GFI1: variants seen among roughly 807,000 people sequenced by gnomAD.
GFI1 encodes zinc finger protein Gfi-1.
GFI1 carries 15 observed loss-of-function variants against 39.2 expected under a neutral mutation model. The observed-to-expected ratio is 0.38, with a 90% confidence interval of 0.26 to 0.59. The LOEUF (loss-of-function observed/expected upper bound fraction) is 0.59. Among genes scored for constraint, GFI1 ranks in the 20% least tolerant of loss-of-function variants. The probability of loss-of-function intolerance (pLI) is 0.62; values close to 1 mark genes in which losing one functional copy is unlikely to be tolerated. For synonymous variants in GFI1, 239 were observed against 254.3 expected (o/e 0.94, Z 0.57); for missense variants, 475 against 574.0 (o/e 0.83, Z 1.76).
At position 92,473,235 on chromosome 1, in the gene GFI1, C is replaced by T. The variant is rs191091714; in HGVS notation, c.*2794G>A. Among the ~76,000 whole-genome samples the T allele has an allele frequency of 3.4e-3, 510 of 149,588 alleles. 1 individual carries two copies. Among genetic ancestry groups the T allele is most frequent in the Non-Finnish European group, 5.4e-3 (362 of 67,644 alleles). ...CAAAATTACAATTCCTCACTTAGAG[C>T]ATAAACAGGGATAACAAAAATGGAC... On this transcript the variant is annotated 3_prime_UTR_variant, in exon 7 of 7. Coordinates refer to ENST00000294702, the MANE Select transcript of GFI1 (RefSeq NM_005263.5).
rs1477154290 is a variant in GFI1 at position 92,482,531 on chromosome 1, A to G, written c.298+333T>C. ...TTGCAGGATCCTAGCACTTTATAAA[A>G]CAGTCAGGTCTGGTCAGAAAATGAA... On this transcript the variant is annotated intron_variant, in intron 3 of 6. Transcript: ENST00000294702. This position sits in a 1 kb window ranked among gnomAD's most constrained non-coding sequence, Gnocchi z 4.4. 6.6e-6 allele frequency among the ~76,000 whole-genome samples: 1 copy of G among 152,086 alleles called. No homozygotes were observed. The highest frequency in any genetic ancestry group is 1.5e-5 in the Non-Finnish European group (1 of 68,026).
In GFI1 at chr1:92,482,874, G is replaced by A. The variant is rs1169382508; in HGVS notation, c.288C>T (p.Ser96=). ...CCAGTGGGTTCCTACCTGGAGACGC[G>A]GAGGGTGACGGGGGCCTCCAGAAGT... is the stretch of plus-strand genomic sequence containing the variant. The part of the protein sequence containing the change: ...FEDFWRPPSP[S]ASPASEKSMC... Residue 96 remains serine (S), a synonymous_variant, in exon 3 of 7, where the codon TCC becomes TCT. Coordinates refer to ENST00000294702, the MANE Select transcript of GFI1 (RefSeq NM_005263.5). This position sits in a 1 kb window ranked among gnomAD's most constrained non-coding sequence, Gnocchi z 4.4. The A allele has an allele frequency of 1.9e-6, 3 of 1,613,850 alleles. No individual in the cohort carries two copies. Among genetic ancestry groups the A allele is most frequent in the South Asian group, 2.2e-5 (2 of 91,082 alleles).
intron 6 of GFI1, among the ~76,000 whole-genome samples, chr1:92,477,662 C>A (rs1658033535): frequency 6.6e-6 from 1 of 152,246 alleles, no homozygotes; most frequent in Non-Finnish European, 1.5e-5. Flanking sequence ...TCTGATAAAT[C>A]ATTCACTCTT....
chr1:92,483,190 A>G, intron 2 of GFI1, 144 bp from the exon 3 acceptor site: 1 of 836,056 alleles, frequency 1.2e-6, no homozygotes, highest in Non-Finnish European at 1.8e-6. Flanking sequence ...CTCGGATCCG[A>G]GGGCAGGCGC....
intron 6 of GFI1, 49 bp from the exon 7 acceptor site, chr1:92,476,256 C>G: frequency 6.5e-7 from 1 of 1,536,156 alleles, no homozygotes. Flanking sequence ...TATGATAAAG[C>G]TAGAGGGGAC....
At chr1:92,483,316 C>T in intron 2 of GFI1, 57 bp downstream of exon 2, 1 of 958,246 alleles carries the variant, frequency 1.0e-6, no homozygotes, top group South Asian at 1.3e-5. Flanking sequence ...AATGGTGTGC[C>T]GAGGTGCAGT....
chr1:92,479,021 A>T (rs1658100241), intron 5 of GFI1, among the ~76,000 whole-genome samples: 1 of 152,104 alleles, frequency 6.6e-6, no homozygotes, highest in Non-Finnish European at 1.5e-5. Flanking sequence ...ACACGCCATC[A>T]CACCTGACTA....
In GFI1 at chr1:92,484,591, G is replaced by A. The variant is rs1658438306; in HGVS notation, c.-99-1005C>T. ...CGCGCAGGCTGCATTAGCAGAGAGC[G>A]GGGGTCGGGCCCGGGCCCGGGAGGG... On this transcript the variant is annotated intron_variant, in intron 1 of 6. Coordinates refer to ENST00000294702, the MANE Select transcript of GFI1 (RefSeq NM_005263.5). The surrounding 1 kb of genome is among the most constrained non-coding windows in gnomAD (Gnocchi z 4.1). 1 of 152,346 alleles carries A rather than the reference G, an allele frequency of 6.6e-6. No homozygotes were observed. The highest frequency in any genetic ancestry group is 1.5e-5 in the Non-Finnish European group (1 of 68,176). 9.4% of individuals were successfully genotyped at this position (152,346 alleles called of 1,614,324 possible). A position where few individuals can be genotyped will look rare whatever the true frequency, so the allele number is the denominator to read the frequency against.
chr1:92,486,851 C>T lies in GFI1; in HGVS notation c.-225G>A, dbSNP rs1424066782. ...CCCTGGCGGCGCGTCCCGCGGGCGC[C>T]CGGCGGGACCGGTGGGCGCACCCTC... On this transcript the variant is annotated 5_prime_UTR_variant, in exon 1 of 7. Transcript: ENST00000294702. 1 of 152,142 alleles carries T rather than the reference C, an allele frequency of 6.6e-6. No homozygotes were observed. Among genetic ancestry groups the T allele is most frequent in the African/African-American group, 2.4e-5 (1 of 41,438 alleles). 9.4% of individuals were successfully genotyped at this position (152,142 alleles called of 1,614,324 possible).
rs1657964936 is a variant in GFI1 at position 92,476,199 on chromosome 1, G to T, written c.1099C>A (p.Pro367Thr). Residue 367 changes from proline (P) to threonine (T), a missense_variant, in exon 7 of 7, where the codon CCT becomes ACT. Coordinates refer to ENST00000294702, the MANE Select transcript of GFI1 (RefSeq NM_005263.5). ...TTGCCGCACACCTGGCACTTGTGAG[G>T]CTTCTCACCTGTGGGGATGGGAGGG... ...KHTFIHTGEKPHKCQVCGKAF... is the reference protein window; with the variant it reads ...KHTFIHTGEKTHKCQVCGKAF... 1 of 1,612,912 alleles carries T rather than the reference G, an allele frequency of 6.2e-7. No individual in the cohort carries two copies. The highest frequency in any genetic ancestry group is 1.7e-4 in the Middle Eastern group (1 of 6,060).
In GFI1 at chr1:92,481,163, C is replaced by G; in HGVS notation, c.299-75G>C. On this transcript the variant is annotated intron_variant, in intron 3 of 6. Coordinates refer to ENST00000294702, the MANE Select transcript of GFI1 (RefSeq NM_005263.5). The surrounding 1 kb of genome is among the most constrained non-coding windows in gnomAD (Gnocchi z 4.3). The stretch of plus-strand genomic sequence containing the variant: ...GAGGCCGCCGGGCTGCGGCTGCGAG[C>G]GTGGCGTGTTCGCGGACTGCGGGGC... The G allele has an allele frequency of 1.5e-6, 2 of 1,333,138 alleles. No homozygotes were observed. The highest frequency in any genetic ancestry group is 2.1e-6 in the Non-Finnish European group (2 of 947,388). 82.6% of individuals were successfully genotyped at this position (1,333,138 alleles called of 1,614,324 possible). A position where few individuals can be genotyped will look rare whatever the true frequency, so the allele number is the denominator to read the frequency against.
intron 1 of GFI1, 142 bp from the exon 2 acceptor site, chr1:92,483,728 C>G (rs1186715392): frequency 7.4e-6 from 4 of 540,914 alleles, no homozygotes; most frequent in African/African-American, 1.9e-5. Flanking sequence ...TGCTGCGCCG[C>G]GCTTACCAGG....
rs1657924093 is a variant in GFI1, at chr1:92,475,669, G to A, written c.*360C>T. On this transcript the variant is annotated 3_prime_UTR_variant, in exon 7 of 7. Coordinates refer to ENST00000294702, the MANE Select transcript of GFI1 (RefSeq NM_005263.5). ...TCAAGAGGGGGGAGGGAAGAAACCT[G>A]AAGGGCATTCCTGTCTGTAGATTAG... 1 of 314,940 alleles carries A rather than the reference G, an allele frequency of 3.2e-6. No homozygotes were observed. Among genetic ancestry groups the A allele is most frequent in the Non-Finnish European group, 6.1e-6 (1 of 163,624 alleles). The allele number at this position is 314,940 out of a possible 1,614,324, so 19.5% of individuals were successfully genotyped here.
chr1:92,483,428 G>A lies in GFI1; in HGVS notation c.60C>T (p.Ser20=), dbSNP rs1009439096. 15 of 1,613,592 alleles carry A rather than the reference G, an allele frequency of 9.3e-6. No individual in the cohort carries two copies. The East Asian group carries it at 3.3e-4, about 36-fold the overall frequency. Residue 20 remains serine (S), a synonymous_variant, in exon 2 of 7, where the codon TCC becomes TCT. Transcript: ENST00000294702. ...KKAHSYHQPR[S]PGPDYSLRLE... ...AACGGAGGGAATAGTCTGGTCCTGG[G>A]GAGCGCGGCTGGTGGTAGCTGTGAG...
rs72962659 is a variant in GFI1 at position 92,480,294 on chromosome 1, A to C, written c.924+54T>G. 0.02 allele frequency: 29,936 copies of C among 1,519,134 alleles called. 2,053 individuals carry two copies. In the African/African-American group the frequency reaches 0.23, roughly 12 times the overall value. 94.1% of individuals were successfully genotyped at this position (1,519,134 alleles called of 1,614,324 possible). A position where few individuals can be genotyped will look rare whatever the true frequency, so the allele number is the denominator to read the frequency against. On this transcript the variant is annotated intron_variant, in intron 5 of 6. Transcript: ENST00000294702. The surrounding 1 kb of genome is among the most constrained non-coding windows in gnomAD (Gnocchi z 5.6). ...GAGAGTGGCTGGTGCTGCACCGAGG[A>C]GATGCAGAAGATCCCCGAGCAGGGC... is the stretch of plus-strand genomic sequence containing the variant.
chr1:92,485,492 G>A (rs1658487146), intron 1 of GFI1, among the ~76,000 whole-genome samples: 1 of 151,586 alleles, frequency 6.6e-6, no homozygotes, highest in Non-Finnish European at 1.5e-5. Context: ...CCCCACCCGG[G>A]CTGTAAGCCC....
Position 92,482,808 on chromosome 1 carries a change from C to T in GFI1, c.298+56G>A, listed in dbSNP as rs542422281. ...CGCCCAAGGTCGCGCCAATTCCCCC[C>T]CAGCACTGCCGGGTCCCTGCAGCTC... On this transcript the variant is annotated intron_variant, in intron 3 of 6. Transcript: ENST00000294702. The surrounding 1 kb of genome is among the most constrained non-coding windows in gnomAD (Gnocchi z 4.4). 37 of 1,404,754 alleles carry T rather than the reference C, an allele frequency of 2.6e-5. No homozygotes were observed. The East Asian group carries it at 7.5e-4, about 29-fold the overall frequency. The allele number at this position is 1,404,754 out of a possible 1,614,324, so 87.0% of individuals were successfully genotyped here.
At chr1:92,479,451 C>G (rs1658117741) in intron 5 of GFI1, among the ~76,000 whole-genome samples, 2 of 152,210 alleles carry the variant, frequency 1.3e-5, no homozygotes, top group Admixed American at 1.3e-4. Context: ...CTCAGCTAAA[C>G]TATAATCTTC....
intron 6 of GFI1, 94 bp downstream of exon 6, chr1:92,478,494 C>A: frequency 9.6e-7 from 1 of 1,036,886 alleles, no homozygotes; most frequent in African/African-American, 1.6e-5. Flanking sequence ...ATCAGAAAGG[C>A]CTCATCCACC....
Sources: gnomAD v4.1 joint callset for allele counts (sites outside exome capture counted in the v4.1 genomes callset) on GRCh38, gnomAD v4.1.1 for gene constraint, Gnocchi (gnomAD v3.1) non-coding constraint, MANE v1.5 for transcripts, NCBI Gene and HGNC (gene_info 2026-07-23, HGNC 2026-07-21) for gene names.